TXNL4A: variants seen among roughly 807,000 people sequenced by gnomAD.
TXNL4A encodes the protein thioredoxin like 4A, also known as thioredoxin-like protein 4A.
TXNL4A carries 17 observed loss-of-function variants against 14.6 expected under a neutral mutation model. That is an observed-to-expected ratio of 1.16 (90% confidence interval 0.80 to 1.74). The LOEUF (loss-of-function observed/expected upper bound fraction) is 1.74. Among genes scored for constraint, TXNL4A ranks in the 40% most tolerant of loss-of-function variants. The probability of loss-of-function intolerance (pLI) is 0.00; values close to 1 mark genes in which losing one functional copy is unlikely to be tolerated. For missense variants in TXNL4A, 74 were observed against 195.2 expected (o/e 0.38, Z 3.70); for synonymous variants, 83 against 70.6 (o/e 1.18, Z -0.88).
upstream of TXNL4A, among the ~76,000 whole-genome samples, chr18:79,989,866 C>A (rs2051613553): frequency 2.0e-5 from 3 of 152,268 alleles, no homozygotes; most frequent in African/African-American, 7.2e-5. Flanking sequence ...CATGGTGGCG[C>A]CCGCCTATAA....
chr18:80,021,255 C>A (rs368378747), intron 1 of TXNL4A, among the ~76,000 whole-genome samples: 1 of 151,878 alleles, frequency 6.6e-6, no homozygotes, highest in Non-Finnish European at 1.5e-5. Flanking sequence ...CAGCTCACTG[C>A]AAGCTCCACC....
chr18:80,010,228 G>A (rs974035602), intron 1 of TXNL4A, among the ~76,000 whole-genome samples: 2 of 152,174 alleles, frequency 1.3e-5, no homozygotes, highest in African/African-American at 4.8e-5. Flanking sequence ...CAGCAGAGAG[G>A]GGGTCCTGAA....
intron 1 of TXNL4A, among the ~76,000 whole-genome samples, chr18:79,998,918 A>G (rs962212011): frequency 6.6e-6 from 1 of 152,136 alleles, no homozygotes; most frequent in East Asian, 1.9e-4. Context: ...AAGAGATGCC[A>G]CTGGATCATG....
intron 2 of TXNL4A, chr18:79,977,202 C>G (rs1417977880): frequency 3.0e-5 from 8 of 268,368 alleles, no homozygotes; most frequent in Non-Finnish European, 1.4e-5. Context: ...TGTGATCCAC[C>G]CACCTCGGCC....
upstream of TXNL4A, among the ~76,000 whole-genome samples, chr18:79,992,652 A>G (rs1260327550): frequency 6.6e-6 from 1 of 152,158 alleles, no homozygotes; most frequent in African/African-American, 2.4e-5. Context: ...TTTGCCCACA[A>G]GGAAATTCCT....
intron 1 of TXNL4A, among the ~76,000 whole-genome samples, chr18:80,006,992 C>A (rs1169012305): frequency 6.6e-6 from 1 of 152,146 alleles, no homozygotes; most frequent in Non-Finnish European, 1.5e-5. Context: ...GGAAGGGGAA[C>A]CTCCATGTTG....
At chr18:79,988,662 T>G, upstream of TXNL4A, 1 of 283,522 alleles carries the variant, frequency 3.5e-6, no homozygotes, top group East Asian at 5.9e-5. Context: ...CGCGAACGTG[T>G]AGTTGGCCGG....
chr18:80,000,176 G>A (rs964445284), intron 1 of TXNL4A, among the ~76,000 whole-genome samples: 2 of 152,206 alleles, frequency 1.3e-5, no homozygotes, highest in East Asian at 3.8e-4. Context: ...ACAGGTAGAG[G>A]TCGGAACAGT....
At chr18:80,023,260 G>C (rs2051861838) in intron 1 of TXNL4A, among the ~76,000 whole-genome samples, 1 of 152,202 alleles carries the variant, frequency 6.6e-6, no homozygotes. Flanking sequence ...CCTGGCTGTT[G>C]AAAGTGGAGT....
intron 1 of TXNL4A, among the ~76,000 whole-genome samples, chr18:80,012,094 T>C (rs549829370): frequency 6.6e-6 from 1 of 152,282 alleles, no homozygotes; most frequent in East Asian, 1.9e-4. Flanking sequence ...AACTCCTTTG[T>C]TTCTGCTGGA....
intron 1 of TXNL4A, among the ~76,000 whole-genome samples, chr18:80,002,618 G>A (rs1245775167): frequency 1.3e-5 from 2 of 152,204 alleles, no homozygotes; most frequent in African/African-American, 2.4e-5. Context: ...GAGGCTGGGT[G>A]TATGGCAGCT....
At chr18:80,010,109 T>C (rs1159432303) in intron 1 of TXNL4A, among the ~76,000 whole-genome samples, 1 of 152,182 alleles carries the variant, frequency 6.6e-6, no homozygotes, top group East Asian at 1.9e-4. Context: ...TTTTTGTTCT[T>C]TGAGATAATA....
chr18:79,982,644 G>T lies in TXNL4A; in HGVS notation c.154-4943C>A, dbSNP rs924304188. On this transcript the variant is annotated intron_variant, in intron 1 of 2. Transcript: ENST00000269601. The surrounding 1 kb of genome is among the most constrained non-coding windows in gnomAD (Gnocchi z 4.0). ...TTACCAGAAAGGACGATATGGGAAC[G>T]GGGACACTGCAGGGGCTGAAGGACT... Among the ~76,000 whole-genome samples, 2 of 152,204 alleles carry T rather than the reference G, an allele frequency of 1.3e-5. No individual in the cohort carries two copies. The highest frequency in any genetic ancestry group is 4.8e-5 in the African/African-American group (2 of 41,452).
intron 1 of TXNL4A, among the ~76,000 whole-genome samples, chr18:80,000,562 G>A (rs535468830): frequency 3.3e-5 from 5 of 152,330 alleles, no homozygotes; most frequent in African/African-American, 7.2e-5. Flanking sequence ...GCAGTCTGAC[G>A]ATGAGATAGA....
In TXNL4A at chr18:80,028,028, TC is replaced by T. The variant is rs750782198; in HGVS notation, c.-61+5822del. 9.0e-4 allele frequency among the ~76,000 whole-genome samples: 137 copies of T among 152,270 alleles called. 2 individuals carry two copies. The highest frequency in any genetic ancestry group is 7.2e-4 in the Admixed American group (11 of 15,302). Reference sequence around the variant, plus strand: ...CATCTTGTGGACTCTTGAGGGACAATCAGCTATACAACAAATAAAGGAAATT... The same window carrying T: ...CATCTTGTGGACTCTTGAGGGACAATAGCTATACAACAAATAAAGGAAATT... On this transcript the variant is annotated intron_variant, in intron 1 of 2. Transcript: ENST00000585474.
chr18:80,015,367 T>TATTATTATTATTATC (rs1224669373), intron 1 of TXNL4A, among the ~76,000 whole-genome samples: 2 of 150,932 alleles, frequency 1.3e-5, no homozygotes, highest in African/African-American at 4.9e-5. Context: ...TTATTATTAT[T>TATTATTATTATTATC]ATTATTATTA....
At chr18:79,978,227 T>C (rs2051409786) in intron 1 of TXNL4A, among the ~76,000 whole-genome samples, 1 of 152,204 alleles carries the variant, frequency 6.6e-6, no homozygotes, top group Non-Finnish European at 1.5e-5. Context: ...ATATTATTTA[T>C]GCTGATCTAG....
At chr18:79,985,007 G>A (rs1453261869) in intron 1 of TXNL4A, among the ~76,000 whole-genome samples, 1 of 151,550 alleles carries the variant, frequency 6.6e-6, no homozygotes, top group African/African-American at 2.4e-5. Context: ...CTCCTGTGAC[G>A]GCGTTCCCAC....
Position 80,029,369 on chromosome 18 carries a change from G to T in TXNL4A, c.-61+4482C>A, listed in dbSNP as rs150349301. Among the ~76,000 whole-genome samples, 278 of 152,254 alleles carry T rather than the reference G, an allele frequency of 1.8e-3. 1 individual carries two copies. Among genetic ancestry groups the T allele is most frequent in the African/African-American group, 6.2e-3 (256 of 41,550 alleles). On this transcript the variant is annotated intron_variant, in intron 1 of 2. Transcript: ENST00000585474. ...CAGCTGGACCTTTTGAGGTATGGCA[G>T]CTTGATTTTATTCAGCTGCTATCAT... is the stretch of plus-strand genomic sequence containing the variant.
Sources: allele counts gnomAD v4.1 joint callset (sites outside exome capture counted in the v4.1 genomes callset), GRCh38; gene constraint gnomAD v4.1.1; non-coding constraint Gnocchi (gnomAD v3.1); transcripts MANE v1.5; gene names NCBI Gene and HGNC (gene_info 2026-07-23, HGNC 2026-07-21).